The following SPMIP3 variants were observed in gnomAD, a reference collection of about 807,000 sequenced individuals.
SPMIP3 encodes the protein sperm microtubule inner protein 3.
the SPMIP3 span, among the ~76,000 whole-genome samples, chr1:244,365,376 C>A: frequency 6.6e-6 from 1 of 152,064 alleles, no homozygotes; most frequent in Non-Finnish European, 1.5e-5. Flanking sequence ...TGCTGTTCTC[C>A]TGACAGTGAA....
At chr1:244,387,697 T>C in the SPMIP3 span, among the ~76,000 whole-genome samples, 5 of 151,998 alleles carry the variant, frequency 3.3e-5, no homozygotes, top group East Asian at 5.8e-4. Context: ...TGTGTGGAGG[T>C]TGGATTACAG....
the SPMIP3 span, among the ~76,000 whole-genome samples, chr1:244,369,463 G>A: frequency 1.3e-5 from 2 of 152,200 alleles, no homozygotes; most frequent in Admixed American, 6.5e-5. Flanking sequence ...TTTCTCTGGG[G>A]TACAACCCGT....
At chr1:244,379,933 A>G in the SPMIP3 span, among the ~76,000 whole-genome samples, 1 of 149,082 alleles carries the variant, frequency 6.7e-6, no homozygotes, top group African/African-American at 2.5e-5. Context: ...GTGCGACTGC[A>G]CTCCAGCCTG....
At chr1:244,360,271 A>G in the SPMIP3 span, among the ~76,000 whole-genome samples, 4 of 152,168 alleles carry the variant, frequency 2.6e-5, no homozygotes, top group African/African-American at 9.7e-5. Context: ...TGTTGGTAGG[A>G]ATGTAAATTA....
the SPMIP3 span, among the ~76,000 whole-genome samples, chr1:244,382,611 T>G: frequency 6.7e-6 from 1 of 148,254 alleles, no homozygotes; most frequent in African/African-American, 2.5e-5. Context: ...TTTTTTTTTT[T>G]TTTTTTTTTT....
At chr1:244,378,349 C>A in the SPMIP3 span, 1 of 1,019,180 alleles carries the variant, frequency 9.8e-7, no homozygotes, top group Non-Finnish European at 1.4e-6. Flanking sequence ...CTGTGGGAGT[C>A]TTGTCAATAC....
the SPMIP3 span, among the ~76,000 whole-genome samples, chr1:244,380,117 G>GT: frequency 3.9e-3 from 519 of 132,170 alleles, 12 homozygotes; most frequent in East Asian, 0.026. Flanking sequence ...CATTCACAGA[G>GT]TTTTTCTTTT....
the SPMIP3 span, among the ~76,000 whole-genome samples, chr1:244,378,050 G>A: frequency 2.0e-5 from 3 of 152,016 alleles, no homozygotes; most frequent in Non-Finnish European, 4.4e-5. Flanking sequence ...CAAGCGATCT[G>A]CCCCCATCAG....
chr1:244,365,421 G>A, the SPMIP3 span, among the ~76,000 whole-genome samples: 1 of 152,136 alleles, frequency 6.6e-6, no homozygotes, highest in African/African-American at 2.4e-5. Context: ...TTATAAGTGG[G>A]AGTTCCCCTG....
At chr1:244,386,498 T>C in the SPMIP3 span, among the ~76,000 whole-genome samples, 1 of 152,212 alleles carries the variant, frequency 6.6e-6, no homozygotes, top group Non-Finnish European at 1.5e-5. Context: ...GTTCACCTGG[T>C]TAAGTTGTGT....
chr1:244,357,511 C>T, the SPMIP3 span, among the ~76,000 whole-genome samples: 5,587 of 151,596 alleles, frequency 0.037, 358 homozygotes, highest in African/African-American at 0.13. Flanking sequence ...GAGTTGGGGA[C>T]CAGCCTGACA....
the SPMIP3 span, among the ~76,000 whole-genome samples, chr1:244,382,148 G>C: frequency 6.6e-6 from 1 of 152,084 alleles, no homozygotes; most frequent in Non-Finnish European, 1.5e-5. Flanking sequence ...ACAGTGACCA[G>C]GGAAGACAAG....
the SPMIP3 span, among the ~76,000 whole-genome samples, chr1:244,358,629 A>G: frequency 6.6e-6 from 1 of 151,750 alleles, no homozygotes; most frequent in Non-Finnish European, 1.5e-5. Flanking sequence ...GTGTGTGTAT[A>G]TATATATATA....
At chr1:244,370,711 T>C in the SPMIP3 span, among the ~76,000 whole-genome samples, 1 of 152,226 alleles carries the variant, frequency 6.6e-6, no homozygotes, top group Non-Finnish European at 1.5e-5. Context: ...AGAGTTTGTA[T>C]GAAAATAGCA....
the SPMIP3 span, among the ~76,000 whole-genome samples, chr1:244,360,509 T>TACACAC: frequency 0.027 from 1,565 of 58,942 alleles, 20 homozygotes; most frequent in Middle Eastern, 0.058. Flanking sequence ...AAACGTGATA[T>TACACAC]ACACACACAC....
At chr1:244,375,565 C>T in the SPMIP3 span, 2 of 726,566 alleles carry the variant, frequency 2.8e-6, no homozygotes, top group Non-Finnish European at 4.5e-6. Flanking sequence ...CCTCATAATA[C>T]TGATGATAGC....
the SPMIP3 span, among the ~76,000 whole-genome samples, chr1:244,363,553 G>A: frequency 6.6e-6 from 1 of 152,204 alleles, no homozygotes; most frequent in Non-Finnish European, 1.5e-5. Context: ...GGAAGAACAG[G>A]CTCTGGGTGG....
the SPMIP3 span, among the ~76,000 whole-genome samples, chr1:244,377,413 G>A: frequency 6.6e-6 from 1 of 152,076 alleles, no homozygotes; most frequent in Non-Finnish European, 1.5e-5. Context: ...GAGCCACCAC[G>A]CCCGGCCACA....
At chr1:244,377,648 G>A in the SPMIP3 span, among the ~76,000 whole-genome samples, 1 of 152,080 alleles carries the variant, frequency 6.6e-6, no homozygotes, top group South Asian at 2.1e-4. Context: ...GACCAGTGAA[G>A]GTATACTGCC....
Sources: gnomAD v4.1 joint callset for allele counts (sites outside exome capture counted in the v4.1 genomes callset) on GRCh38, gnomAD v4.1.1 for gene constraint, MANE v1.5 for transcripts, NCBI Gene and HGNC (gene_info 2026-07-23, HGNC 2026-07-21) for gene names.